Variants in SCFD2 observed in about 807,000 individuals in gnomAD.
SCFD2 encodes the protein sec1 family domain containing 2, also known as sec1 family domain-containing protein 2.
A neutral mutation model predicts 58.9 loss-of-function variants in SCFD2; 54 were observed. That is an observed-to-expected ratio of 0.92 (90% CI 0.74 to 1.15). SCFD2 has a LOEUF of 1.15. Among genes scored for constraint, SCFD2 ranks in the 50% most tolerant of loss-of-function variants. The probability of loss-of-function intolerance (pLI) is 0.00; values close to 1 mark genes in which losing one functional copy is unlikely to be tolerated. For missense variants in SCFD2, 805 were observed against 836.6 expected, an observed-to-expected ratio of 0.96 and a Z score of 0.47; for synonymous variants, 321 against 335.9, an observed-to-expected ratio of 0.96 and a Z score of 0.49.
chr4:53,022,811 T>C (rs1266768669), intron 5 of SCFD2, among the ~76,000 whole-genome samples: 1 of 152,172 alleles, frequency 6.6e-6, no homozygotes, highest in Non-Finnish European at 1.5e-5. Context: ...AATAACAAAA[T>C]AATAATTATA....
chr4:53,246,498 C>A (rs1017302516), intron 4 of SCFD2, among the ~76,000 whole-genome samples: 2 of 152,120 alleles, frequency 1.3e-5, no homozygotes, highest in Admixed American at 6.5e-5. Context: ...CAAAAACAGA[C>A]ACATAGACCA....
At chr4:53,346,273 T>G (rs1375124319) in intron 2 of SCFD2, among the ~76,000 whole-genome samples, 1 of 139,630 alleles carries the variant, frequency 7.2e-6, no homozygotes, top group Non-Finnish European at 1.6e-5. Flanking sequence ...AAATCTTTTT[T>G]TTTCTTTTTT....
chr4:53,244,832 T>TAAG (rs1560407366), intron 4 of SCFD2, among the ~76,000 whole-genome samples: 1 of 116,456 alleles, frequency 8.6e-6, no homozygotes, highest in Non-Finnish European at 1.8e-5. Flanking sequence ...AAAAAAAAAA[T>TAAG]AATAATAATA....
At chr4:53,231,850 T>G (rs1729449588) in intron 4 of SCFD2, among the ~76,000 whole-genome samples, 1 of 152,006 alleles carries the variant, frequency 6.6e-6, no homozygotes, top group Non-Finnish European at 1.5e-5. Flanking sequence ...CTAAAAAAAT[T>G]AAACAAAAAA....
chr4:53,322,335 T>C (rs969773974), intron 2 of SCFD2, among the ~76,000 whole-genome samples: 1 of 152,144 alleles, frequency 6.6e-6, no homozygotes, highest in Non-Finnish European at 1.5e-5. Context: ...ATTAGCATGC[T>C]AAAAGACACT....
chr4:53,033,802 T>C (rs1369177962), intron 5 of SCFD2, among the ~76,000 whole-genome samples: 1 of 152,038 alleles, frequency 6.6e-6, no homozygotes, highest in African/African-American at 2.4e-5. Flanking sequence ...GCATAACAAG[T>C]TCTGAAATTG....
At chr4:53,013,258 A>C (rs1387175874) in intron 5 of SCFD2, among the ~76,000 whole-genome samples, 1 of 152,252 alleles carries the variant, frequency 6.6e-6, no homozygotes, top group Non-Finnish European at 1.5e-5. Flanking sequence ...ACATTTATCA[A>C]GTACTGGTAA....
At chr4:53,174,594 C>T (rs193279174) in intron 4 of SCFD2, among the ~76,000 whole-genome samples, 1 of 152,214 alleles carries the variant, frequency 6.6e-6, no homozygotes, top group East Asian at 1.9e-4. Context: ...AAGTGCACCT[C>T]AAAATGCTCC....
chr4:53,345,971 G>T (rs1734044272), intron 2 of SCFD2, among the ~76,000 whole-genome samples: 2 of 152,008 alleles, frequency 1.3e-5, no homozygotes, highest in Admixed American at 1.3e-4. Flanking sequence ...GCTTGGGGAG[G>T]GATACAATTA....
chr4:52,996,164 T>C (rs546382974), intron 5 of SCFD2, among the ~76,000 whole-genome samples: 1 of 152,320 alleles, frequency 6.6e-6, no homozygotes, highest in South Asian at 2.1e-4. Flanking sequence ...CCTGAGTCAG[T>C]CAGGGACCAG....
chr4:52,922,602 G>A (rs549011709), intron 5 of SCFD2, among the ~76,000 whole-genome samples: 72 of 152,114 alleles, frequency 4.7e-4, no homozygotes, highest in African/African-American at 1.7e-3. Flanking sequence ...TTTATATATC[G>A]ACTTATCGGT....
At chr4:53,107,640 T>TA (rs1266677481) in intron 5 of SCFD2, among the ~76,000 whole-genome samples, 1 of 152,180 alleles carries the variant, frequency 6.6e-6, no homozygotes. Flanking sequence ...GGGCATTACA[T>TA]AGTGGTAAAG....
At chr4:52,923,018 CA>C (rs1719776906) in intron 5 of SCFD2, among the ~76,000 whole-genome samples, 1 of 152,152 alleles carries the variant, frequency 6.6e-6, no homozygotes, top group Non-Finnish European at 1.5e-5. Context: ...CAGAAGCATC[CA>C]AAAGAATCCA....
intron 8 of SCFD2, among the ~76,000 whole-genome samples, chr4:52,879,455 A>T (rs1328277449): frequency 5.3e-5 from 8 of 152,234 alleles, no homozygotes; most frequent in African/African-American, 1.9e-4. Context: ...AGTTCTATCA[A>T]GGAATGTTTG....
chr4:52,963,544 G>T lies in SCFD2; in HGVS notation c.1562-42674C>A, dbSNP rs1020216547. On this transcript the variant is annotated intron_variant, in intron 5 of 8. Coordinates refer to ENST00000401642, the MANE Select transcript of SCFD2 (RefSeq NM_152540.4). ...TTTTGTTTTTAAATCTAACCACCCT[G>T]CCCTGTTCCTTATCTTAAATTGAAC... 2.6e-5 allele frequency among the ~76,000 whole-genome samples: 4 copies of T among 152,226 alleles called. No homozygotes were observed. In the South Asian group the frequency reaches 8.3e-4, roughly 32 times the overall value.
In SCFD2 at chr4:53,126,802, T is replaced by G. The variant is rs543525874; in HGVS notation, c.1561+18531A>C. Among the ~76,000 whole-genome samples, 476 of 152,122 alleles carry G rather than the reference T, an allele frequency of 3.1e-3. 2 individuals carry two copies. Among genetic ancestry groups the G allele is most frequent in the African/African-American group, 0.011 (443 of 41,492 alleles). The stretch of plus-strand genomic sequence containing the variant: ...GAGAACCACCGTCTCGGCAGAGAGC[T>G]CTCCTCTTTCTCCCTGAGTTCCTCC... On this transcript the variant is annotated intron_variant, in intron 5 of 8. Coordinates refer to ENST00000401642, the MANE Select transcript of SCFD2 (RefSeq NM_152540.4).
At chr4:52,917,766 C>T (rs1006610383) in intron 6 of SCFD2, among the ~76,000 whole-genome samples, 6 of 152,180 alleles carry the variant, frequency 3.9e-5, no homozygotes, top group South Asian at 2.1e-4. Context: ...ATTTTATATG[C>T]TCGATGTAAC....
chr4:52,879,523 C>T (rs1029212458), intron 8 of SCFD2, among the ~76,000 whole-genome samples: 45 of 152,212 alleles, frequency 3.0e-4, no homozygotes, highest in Admixed American at 1.8e-3. Context: ...AACTTGACAT[C>T]AAAAAAATAT....
chr4:53,202,378 G>A (rs1385052985), intron 4 of SCFD2, among the ~76,000 whole-genome samples: 4 of 151,780 alleles, frequency 2.6e-5, no homozygotes, highest in Non-Finnish European at 2.9e-5. Context: ...CTGTTCCATT[G>A]GTCTATATCT....
Sources: gnomAD v4.1 joint callset for allele counts (sites outside exome capture counted in the v4.1 genomes callset) on GRCh38, gnomAD v4.1.1 for gene constraint, MANE v1.5 for transcripts, NCBI Gene and HGNC (gene_info 2026-07-23, HGNC 2026-07-21) for gene names.